The following MYO3A variants were observed in gnomAD, a reference collection of about 807,000 sequenced individuals.
MYO3A encodes myosin-IIIa.
Under a neutral mutation model 192.7 loss-of-function variants are expected in MYO3A, and 180 were observed. The observed-to-expected ratio is 0.93, with a 90% confidence interval of 0.83 to 1.06. MYO3A has a LOEUF of 1.06. MYO3A is among the 50% of genes least tolerant of loss of function. The pLI is 0.00. For missense variants in MYO3A, 1,896 were observed against 1,905.0 expected, an observed-to-expected ratio of 1.00 and a Z score of 0.09; for synonymous variants, 628 against 645.3, an observed-to-expected ratio of 0.97 and a Z score of 0.41.
intron 4 of MYO3A, among the ~76,000 whole-genome samples, chr10:25,961,843 C>G (rs186845342): frequency 2.1e-3 from 323 of 152,260 alleles, no homozygotes; most frequent in African/African-American, 7.2e-3. Context: ...TACAACATGA[C>G]TGCTAATTAT....
intron 10 of MYO3A, among the ~76,000 whole-genome samples, chr10:26,028,295 T>G (rs1842650494): frequency 6.6e-6 from 1 of 152,226 alleles, no homozygotes. Context: ...CAAATTCTGA[T>G]CTTAAAGCCC....
At chr10:26,014,475 A>G (rs78839265) in intron 6 of MYO3A, among the ~76,000 whole-genome samples, 2,220 of 152,216 alleles carry the variant, frequency 0.015, 48 homozygotes, top group African/African-American at 0.051. Flanking sequence ...ACCAATTTAA[A>G]TATTAATCTG....
chr10:26,207,973 T>G (rs933558735), intron 34 of MYO3A, among the ~76,000 whole-genome samples: 1 of 152,256 alleles, frequency 6.6e-6, no homozygotes, highest in Non-Finnish European at 1.5e-5. Flanking sequence ...TACTTTTCAA[T>G]GTATAGATCT....
intron 6 of MYO3A, among the ~76,000 whole-genome samples, chr10:26,015,418 T>G (rs1412385736): frequency 6.6e-6 from 1 of 152,192 alleles, no homozygotes; most frequent in Non-Finnish European, 1.5e-5. Flanking sequence ...TTTGGATCCC[T>G]GTTGCCTTTA....
intron 4 of MYO3A, among the ~76,000 whole-genome samples, chr10:25,983,482 C>T (rs1158267484): frequency 6.6e-6 from 1 of 152,106 alleles, no homozygotes; most frequent in Non-Finnish European, 1.5e-5. Flanking sequence ...TGGTCTCGAT[C>T]TCCTGACCTT....
intron 4 of MYO3A, among the ~76,000 whole-genome samples, chr10:25,983,411 A>G (rs1839453795): frequency 6.6e-6 from 1 of 151,808 alleles, no homozygotes; most frequent in African/African-American, 2.4e-5. Flanking sequence ...GCCCGCCACC[A>G]CGCCCAGCTA....
chr10:25,943,803 T>TGTGTGTGTGA (rs1161342202), intron 2 of MYO3A, among the ~76,000 whole-genome samples: 1 of 151,070 alleles, frequency 6.6e-6, no homozygotes, highest in East Asian at 1.9e-4. Flanking sequence ...TGTGTGTGTG[T>TGTGTGTGTGA]GATTCTTTAG....
intron 10 of MYO3A, among the ~76,000 whole-genome samples, chr10:26,040,369 A>G (rs536961787): frequency 6.6e-5 from 10 of 152,294 alleles, no homozygotes; most frequent in East Asian, 3.8e-4. Context: ...GAAAAATCAG[A>G]TGCATCAAAT....
intron 31 of MYO3A, among the ~76,000 whole-genome samples, chr10:26,181,964 A>G (rs1365353296): frequency 6.6e-6 from 1 of 152,246 alleles, no homozygotes; most frequent in Non-Finnish European, 1.5e-5. Context: ...CAGCCCTTTA[A>G]ATTCATTTTT....
chr10:25,963,613 T>C (rs960279129), intron 4 of MYO3A, among the ~76,000 whole-genome samples: 1 of 152,192 alleles, frequency 6.6e-6, no homozygotes, highest in African/African-American at 2.4e-5. Context: ...GAATTGTTCC[T>C]TCTTCCCTTT....
chr10:26,150,457 G>T (rs1180456083), intron 23 of MYO3A, among the ~76,000 whole-genome samples: 1 of 152,196 alleles, frequency 6.6e-6, no homozygotes, highest in Non-Finnish European at 1.5e-5. Context: ...AACTGGGCCT[G>T]AAGGATGTTT....
intron 2 of MYO3A, among the ~76,000 whole-genome samples, chr10:25,941,275 G>A (rs1048881321): frequency 1.3e-5 from 2 of 152,148 alleles, no homozygotes; most frequent in Admixed American, 1.3e-4. Context: ...GTCCTACAGG[G>A]ACAGGGACCA....
At position 26,201,280 on chromosome 10, in the gene MYO3A, GA is replaced by G; in HGVS notation, c.4566del (p.Lys1522AsnfsTer13). On this transcript the variant is annotated frameshift_variant, in exon 33 of 35. Coordinates refer to ENST00000642920, the MANE Select transcript of MYO3A (RefSeq NM_017433.5). LOFTEE classifies it high-confidence loss of function. ...YYLLHKSIQEEKRRPRKDSQG... is the reference protein window; with the variant it reads ...YYLLHKSIQEXKRRPRKDSQG... ...TTTCCTTTAGAAGTCAATCCAAGAA[GA>G]AAAACGAAGACCAAGGAAAGACAGG... The G allele has an allele frequency of 6.3e-7, 1 of 1,578,834 alleles. No homozygotes were observed. Among genetic ancestry groups the G allele is most frequent in the Non-Finnish European group, 8.7e-7 (1 of 1,153,992 alleles).
intron 10 of MYO3A, among the ~76,000 whole-genome samples, chr10:26,026,906 T>G (rs1282760437): frequency 6.6e-6 from 1 of 152,154 alleles, no homozygotes; most frequent in Non-Finnish European, 1.5e-5. Context: ...TTTCACTGTG[T>G]AGCCAGGATG....
intron 10 of MYO3A, among the ~76,000 whole-genome samples, chr10:26,034,209 T>C (rs1050270932): frequency 1.3e-5 from 2 of 152,360 alleles, no homozygotes; most frequent in Non-Finnish European, 1.5e-5. Flanking sequence ...TAAAATATGG[T>C]ATTTTTTTGA....
intron 10 of MYO3A, among the ~76,000 whole-genome samples, chr10:26,034,703 A>G (rs1842948292): frequency 1.3e-5 from 2 of 152,232 alleles, no homozygotes; most frequent in South Asian, 4.1e-4. Context: ...CATAAAGATA[A>G]TTATATTAAT....
chr10:26,143,388 G>T, intron 20 of MYO3A, 60 bp from the exon 21 acceptor site: 1 of 1,508,232 alleles, frequency 6.6e-7, no homozygotes, highest in Non-Finnish European at 9.2e-7. Context: ...TAAAATTTTA[G>T]GTAATTACTA....
At chr10:26,146,541 C>T (rs1480086108) in intron 22 of MYO3A, among the ~76,000 whole-genome samples, 1 of 152,102 alleles carries the variant, frequency 6.6e-6, no homozygotes, top group Non-Finnish European at 1.5e-5. Context: ...TCAAGGTGTC[C>T]CCACATGGCC....
At chr10:26,022,183 C>T (rs187030104) in intron 8 of MYO3A, 2 of 152,406 alleles carry the variant, frequency 1.3e-5, no homozygotes, top group East Asian at 3.9e-4. Context: ...GCCATGAAAG[C>T]ACTTGACTAT....
Sources: allele counts gnomAD v4.1 joint callset (sites outside exome capture counted in the v4.1 genomes callset), GRCh38; gene constraint gnomAD v4.1.1; transcripts MANE v1.5; gene names NCBI Gene and HGNC (gene_info 2026-07-23, HGNC 2026-07-21).